The following MTMR10 variants were observed in gnomAD, a reference collection of about 807,000 sequenced individuals.
The protein encoded by MTMR10 is myotubularin related protein 10.
A neutral mutation model predicts 88.1 loss-of-function variants in MTMR10; 56 were observed. The observed-to-expected ratio is 0.64, with a 90% confidence interval of 0.51 to 0.79. The LOEUF (loss-of-function observed/expected upper bound fraction) is 0.79, where lower values mean the gene tolerates loss of function less well. MTMR10 is among the 30% of genes least tolerant of loss of function. The pLI is 0.00. For missense variants in MTMR10, 883 were observed against 924.7 expected (o/e 0.95, Z 0.58); for synonymous variants, 380 against 340.9 (o/e 1.11, Z -1.26).
At chr15:30,990,914 C>T in intron 1 of MTMR10, 77 bp from the exon 2 acceptor site, 1 of 1,270,698 alleles carries the variant, frequency 7.9e-7, no homozygotes, top group Non-Finnish European at 1.1e-6. Flanking sequence ...ATGTTGTTTT[C>T]TAAGTGATGA....
intron 5 of MTMR10, among the ~76,000 whole-genome samples, chr15:30,970,644 CTCTT>C (rs1231926188): frequency 1.3e-5 from 2 of 152,188 alleles, no homozygotes; most frequent in Non-Finnish European, 1.5e-5. Flanking sequence ...CAGTTACATG[CTCTT>C]TCTGTTTACA....
chr15:30,981,868 G>A lies in MTMR10; in HGVS notation c.122-4913C>T, dbSNP rs753710446. On this transcript the variant is annotated intron_variant, in intron 2 of 15. Transcript: ENST00000435680. ...GCAGATCACTTGAGGTCAGGAGTTC[G>A]AAACCAGCCTGGCCAACATGGTAAA... 1.9e-4 allele frequency among the ~76,000 whole-genome samples: 29 copies of A among 151,904 alleles called. 1 individual carries two copies. Among genetic ancestry groups the A allele is most frequent in the Non-Finnish European group, 3.2e-4 (22 of 67,990 alleles).
intron 10 of MTMR10, among the ~76,000 whole-genome samples, chr15:30,954,203 T>C (rs1479885341): frequency 6.6e-6 from 1 of 152,188 alleles, no homozygotes; most frequent in Non-Finnish European, 1.5e-5. Context: ...GGGAAGTGCT[T>C]ACTCATTGCT....
Position 30,940,495 on chromosome 15 carries a change from A to G in MTMR10, c.*975T>C. 1.0e-6 allele frequency: 1 copy of G among 985,466 alleles called. No individual in the cohort carries two copies. Among genetic ancestry groups the G allele is most frequent in the Non-Finnish European group, 1.2e-6 (1 of 829,946 alleles). The allele number at this position is 985,466 out of a possible 1,614,324, so 61.0% of individuals were successfully genotyped here. ...TGCCCAACTCGTAACCTCATTAGTT[A>G]TTTCCAGGGGGAAGTGCCAGCAATA... On this transcript the variant is annotated 3_prime_UTR_variant, in exon 16 of 16. Transcript: ENST00000435680.
intron 6 of MTMR10, among the ~76,000 whole-genome samples, chr15:30,965,170 T>C (rs1261488621): frequency 6.6e-6 from 1 of 152,264 alleles, no homozygotes; most frequent in Non-Finnish European, 1.5e-5. Flanking sequence ...CAATCATTTA[T>C]AGCTATTCTG....
Position 30,976,848 on chromosome 15 carries a change from A to G in MTMR10, c.229T>C (p.Phe77Leu). The G allele has an allele frequency of 6.2e-7, 1 of 1,613,928 alleles. No individual in the cohort carries two copies. Among genetic ancestry groups the G allele is most frequent in the Non-Finnish European group, 8.5e-7 (1 of 1,179,836 alleles). The change falls in exon 3 of 16, where the codon TTT becomes CTT. Residue 77 changes from phenylalanine to leucine, a missense_variant. Phe to Leu is a conservative substitution (Grantham distance 22, BLOSUM62 0). This residue lies in a region of MTMR10 where 414 missense variants were observed against 423.2 expected (regional missense o/e 0.98). Transcript: ENST00000435680. ...AATGGCATTGGGTCATCTGTAATAA[A>G]GGAGATTTTGAAGTTACTGCATATC... ...KLICSNFKIS[F>L]ITDDPMPLQK... is the part of the protein sequence containing the mutation.
rs116118517 is a variant in MTMR10, at chr15:30,954,172, C to A, written c.1067-541G>T. Among the ~76,000 whole-genome samples the A allele has an allele frequency of 4.6e-5, 7 of 152,296 alleles. No homozygotes were observed. The East Asian group carries it at 9.6e-4, about 21-fold the overall frequency. Reference sequence around the variant, plus strand: ...TTTTCAACAACTTGCCCCTGCCCCGCCCCTGCAAGGCCCTCCCCCAGGGAA... The same window carrying A: ...TTTTCAACAACTTGCCCCTGCCCCGACCCTGCAAGGCCCTCCCCCAGGGAA... On this transcript the variant is annotated intron_variant, in intron 10 of 15. Transcript: ENST00000435680.
chr15:30,944,185 TAACAGCACAG>T (rs2063132524), intron 14 of MTMR10, among the ~76,000 whole-genome samples: 1 of 152,216 alleles, frequency 6.6e-6, no homozygotes, highest in African/African-American at 2.4e-5. Flanking sequence ...CTAAGCTGTG[TAACAGCACAG>T]GGCATTTTGT....
the MTMR10 span, chr15:30,925,299 A>G: frequency 3.7e-6 from 6 of 1,612,696 alleles, no homozygotes; most frequent in African/African-American, 1.3e-5. Context: ...CACGTGAGGA[A>G]AGAGCCTGTG....
the MTMR10 span, chr15:30,926,532 GA>G: frequency 1.5e-6 from 1 of 663,664 alleles, no homozygotes; most frequent in Non-Finnish European, 1.9e-6. Context: ...ACAACCACAA[GA>G]TAGGAGTTTA....
chr15:30,924,539 A>G, the MTMR10 span, among the ~76,000 whole-genome samples: 2 of 152,116 alleles, frequency 1.3e-5, no homozygotes, highest in Non-Finnish European at 2.9e-5. Flanking sequence ...GTGAAGTGGT[A>G]TCTCCTTGTG....
At chr15:30,973,637 G>A (rs948163370) in intron 5 of MTMR10, among the ~76,000 whole-genome samples, 12 of 152,138 alleles carry the variant, frequency 7.9e-5, no homozygotes, top group African/African-American at 2.9e-4. Context: ...CTACTGGAAA[G>A]TCTGTGACTC....
intron 2 of MTMR10, among the ~76,000 whole-genome samples, chr15:30,989,577 T>A (rs975328318): frequency 6.7e-6 from 1 of 149,470 alleles, no homozygotes; most frequent in African/African-American, 2.5e-5. Flanking sequence ...AACTAGTATT[T>A]GATTTCAGGT....
chr15:30,930,778 T>G, the MTMR10 span: 2 of 1,397,990 alleles, frequency 1.4e-6, no homozygotes, highest in Non-Finnish European at 2.0e-6. Flanking sequence ...TTGAATTCCT[T>G]GAGAGCTTTT....
Position 30,939,777 on chromosome 15 carries a change from A to G in MTMR10, c.*1693T>C. On this transcript the variant is annotated 3_prime_UTR_variant, in exon 16 of 16. Transcript: ENST00000435680. ...TTGTGATTACACTGTCAATGGCAGG[A>G]TACGCTGTGGTGTTATAAGGAGATT... The G allele has an allele frequency of 1.0e-6, 1 of 985,290 alleles. No individual in the cohort carries two copies. The highest frequency in any genetic ancestry group is 1.2e-6 in the Non-Finnish European group (1 of 829,780). The allele number at this position is 985,290 out of a possible 1,614,324, so 61.0% of individuals were successfully genotyped here.
chr15:30,957,853 G>C (rs560613951), intron 9 of MTMR10, among the ~76,000 whole-genome samples: 149 of 152,306 alleles, frequency 9.8e-4, no homozygotes, highest in Non-Finnish European at 1.7e-3. Context: ...GGAGCCCAGG[G>C]GTGGAGGAGA....
chr15:30,929,290 C>T, the MTMR10 span: 25,180 of 1,613,114 alleles, frequency 0.016, 286 homozygotes, highest in Non-Finnish European at 0.017. Flanking sequence ...TCATGATGCC[C>T]CCGAGGAGAG....
At chr15:30,954,700 C>T in intron 10 of MTMR10, 63 bp downstream of exon 10, 2 of 1,410,500 alleles carry the variant, frequency 1.4e-6, no homozygotes. Context: ...ATCACTTTTC[C>T]TGACATCTCA....
chr15:30,990,407 T>C (rs2141080927), intron 2 of MTMR10, among the ~76,000 whole-genome samples: 1 of 152,206 alleles, frequency 6.6e-6, no homozygotes, highest in East Asian at 1.9e-4. Context: ...AAGCAAGTAA[T>C]TCAAAGTTCA....
Sources: gnomAD v4.1 joint callset for allele counts (sites outside exome capture counted in the v4.1 genomes callset) on GRCh38, gnomAD v4.1.1 for gene constraint, gnomAD v4.1.1 regional missense constraint, MANE v1.5 for transcripts, NCBI Gene and HGNC (gene_info 2026-07-23, HGNC 2026-07-21) for gene names.